The following ZFPM2 variants were observed in gnomAD, a reference collection of about 807,000 sequenced individuals.
The protein encoded by ZFPM2 is zinc finger protein, FOG family member 2.
Under a neutral mutation model 98.6 loss-of-function variants are expected in ZFPM2, and 20 were observed. That is an observed-to-expected ratio of 0.20 (90% CI 0.14 to 0.29). The LOEUF is 0.29. Among genes scored for constraint, ZFPM2 ranks in the 10% least tolerant of loss-of-function variants. The pLI is 1.00. For synonymous variants in ZFPM2, 518 were observed against 502.7 expected, an observed-to-expected ratio of 1.03 and a Z score of -0.41; for missense variants, 1,310 against 1,388.6, an observed-to-expected ratio of 0.94 and a Z score of 0.90.
chr8:105,501,330 C>T (rs1813591284), intron 3 of ZFPM2, among the ~76,000 whole-genome samples: 1 of 151,336 alleles, frequency 6.6e-6, no homozygotes, highest in African/African-American at 2.4e-5. Context: ...TTACAGGCAC[C>T]TGCCACCACA....
chr8:105,724,871 T>A (rs1811769354), intron 5 of ZFPM2, among the ~76,000 whole-genome samples: 2 of 151,794 alleles, frequency 1.3e-5, no homozygotes. Context: ...CTATGCTATG[T>A]GATTCATCTG....
intron 5 of ZFPM2, among the ~76,000 whole-genome samples, chr8:105,687,456 AT>A (rs1308892634): frequency 6.6e-6 from 1 of 152,190 alleles, no homozygotes; most frequent in African/African-American, 2.4e-5. Flanking sequence ...CTAAAAGAGA[AT>A]GAAAAAGCCA....
chr8:105,361,004 G>A (rs1217649437), intron 1 of ZFPM2, among the ~76,000 whole-genome samples: 8 of 146,056 alleles, frequency 5.5e-5, no homozygotes, highest in African/African-American at 2.0e-4. Context: ...TGGGATGGCT[G>A]GGTCAAATGG....
At chr8:105,498,243 ATTCT>A (rs1350882751) in intron 3 of ZFPM2, among the ~76,000 whole-genome samples, 1 of 152,152 alleles carries the variant, frequency 6.6e-6, no homozygotes, top group Non-Finnish European at 1.5e-5. Context: ...TAAGGCATTC[ATTCT>A]TTATCTACTC....
chr8:105,542,578 A>G (rs1814601452), intron 3 of ZFPM2, among the ~76,000 whole-genome samples: 1 of 152,146 alleles, frequency 6.6e-6, no homozygotes, highest in South Asian at 2.1e-4. Context: ...GTGGACTGAA[A>G]ATACAGCGTT....
intron 4 of ZFPM2, among the ~76,000 whole-genome samples, chr8:105,618,638 A>G (rs1462743626): frequency 1.3e-5 from 2 of 152,170 alleles, no homozygotes; most frequent in Non-Finnish European, 2.9e-5. Context: ...GTGCTGCTTA[A>G]GCACATTGCA....
At chr8:105,563,431 T>C (rs1417027069) in intron 4 of ZFPM2, among the ~76,000 whole-genome samples, 1 of 152,170 alleles carries the variant, frequency 6.6e-6, no homozygotes, top group Non-Finnish European at 1.5e-5. Flanking sequence ...AAGTAGGGGT[T>C]TTCACATACA....
At chr8:105,500,655 TGTATA>T (rs1370423101) in intron 3 of ZFPM2, among the ~76,000 whole-genome samples, 1 of 152,182 alleles carries the variant, frequency 6.6e-6, no homozygotes, top group Non-Finnish European at 1.5e-5. Flanking sequence ...GAAATTTAAT[TGTATA>T]GTATTGAAGA....
intron 3 of ZFPM2, among the ~76,000 whole-genome samples, chr8:105,509,997 G>T (rs576323823): frequency 2.6e-5 from 4 of 151,546 alleles, no homozygotes; most frequent in African/African-American, 9.8e-5. Flanking sequence ...GTATGTCGTG[G>T]TCATCTACAC....
intron 3 of ZFPM2, among the ~76,000 whole-genome samples, chr8:105,481,413 T>G (rs1813115063): frequency 6.6e-6 from 1 of 152,150 alleles, no homozygotes; most frequent in Non-Finnish European, 1.5e-5. Context: ...GATGGCCACC[T>G]TCTAGCTGTG....
At chr8:105,428,874 G>T (rs1298311218) in intron 2 of ZFPM2, among the ~76,000 whole-genome samples, 3 of 152,252 alleles carry the variant, frequency 2.0e-5, no homozygotes, top group East Asian at 1.9e-4. Context: ...AAAGTAAGCA[G>T]TGCATTCTAA....
At chr8:105,407,372 T>C (rs1586350471) in intron 1 of ZFPM2, among the ~76,000 whole-genome samples, 1 of 152,024 alleles carries the variant, frequency 6.6e-6, no homozygotes, top group African/African-American at 2.4e-5. Context: ...CAAAGAACAG[T>C]AACAGAAACA....
intron 1 of ZFPM2, among the ~76,000 whole-genome samples, chr8:105,381,191 C>G (rs1396191410): frequency 6.7e-6 from 1 of 148,316 alleles, no homozygotes; most frequent in South Asian, 2.1e-4. Flanking sequence ...GTTTTCTGTT[C>G]CTGTGTTAGT....
intron 4 of ZFPM2, among the ~76,000 whole-genome samples, chr8:105,619,598 T>C (rs1816491390): frequency 6.6e-6 from 1 of 152,294 alleles, no homozygotes; most frequent in East Asian, 1.9e-4. Flanking sequence ...GTTTGTTACA[T>C]AGGTATATAT....
intron 5 of ZFPM2, among the ~76,000 whole-genome samples, chr8:105,786,691 AAGTT>A (rs768966258): frequency 3.3e-5 from 5 of 152,148 alleles, no homozygotes; most frequent in Non-Finnish European, 7.3e-5. Context: ...CTTTTATTTG[AAGTT>A]AGTATTTTTG....
chr8:105,477,534 C>T lies in ZFPM2; in HGVS notation c.301+33153C>T, dbSNP rs114234074. Among the ~76,000 whole-genome samples the T allele has an allele frequency of 8.4e-3, 1,272 of 151,954 alleles. 18 individuals carry two copies. Among genetic ancestry groups the T allele is most frequent in the African/African-American group, 0.028 (1,170 of 41,352 alleles). ...CTGGGATTACAGGTGTGAGCCACCG[C>T]GCCCCACATGATATCAATCATATGG... On this transcript the variant is annotated intron_variant, in intron 3 of 7. Transcript: ENST00000407775.
In ZFPM2 at chr8:105,705,870, G is replaced by A. The variant is rs191473192; in HGVS notation, c.532+71513G>A. ...CCTTTTCTACTGAGGCGAAATGAATGATGGGGCAGAGAGACTGCAGGACTG... is the reference window on the plus strand; with the variant it reads ...CCTTTTCTACTGAGGCGAAATGAATAATGGGGCAGAGAGACTGCAGGACTG... On this transcript the variant is annotated intron_variant, in intron 5 of 7. Transcript: ENST00000407775. Among the ~76,000 whole-genome samples the A allele has an allele frequency of 7.2e-5, 11 of 152,274 alleles. No individual in the cohort carries two copies. The East Asian group carries it at 2.1e-3, about 29-fold the overall frequency.
intron 4 of ZFPM2, among the ~76,000 whole-genome samples, chr8:105,617,490 A>G (rs1195610489): frequency 1.3e-5 from 2 of 152,172 alleles, no homozygotes; most frequent in East Asian, 3.9e-4. Flanking sequence ...ATTTGAGTGC[A>G]GATTAGGTTC....
intron 3 of ZFPM2, among the ~76,000 whole-genome samples, chr8:105,494,229 T>TATATATAAA (rs1563684629): frequency 1.2e-5 from 1 of 85,980 alleles, no homozygotes; most frequent in African/African-American, 4.2e-5. Context: ...ATATATATAA[T>TATATATAAA]CTCAAACTCA....
Sources: allele counts gnomAD v4.1 joint callset (sites outside exome capture counted in the v4.1 genomes callset), GRCh38; gene constraint gnomAD v4.1.1; transcripts MANE v1.5; gene names NCBI Gene and HGNC (gene_info 2026-07-23, HGNC 2026-07-21).